ACTR3B: variants seen among roughly 807,000 people sequenced by gnomAD.
The protein encoded by ACTR3B is actin related protein 3B, also known as actin-related protein 3B.
ACTR3B carries 8 observed loss-of-function variants against 59.0 expected under a neutral mutation model. The ratio of observed to expected loss-of-function variants is 0.14; its 90% CI spans 0.08 to 0.24. The LOEUF is 0.24. Ranked by LOEUF, ACTR3B falls within the 10% of genes least tolerant of loss-of-function variation. The pLI, the probability that ACTR3B is intolerant of heterozygous loss-of-function variation, is 1.00. For missense variants in ACTR3B, 245 were observed against 552.3 expected (o/e 0.44, Z 5.58); for synonymous variants, 148 against 197.9 (o/e 0.75, Z 2.12).
intron 9 of ACTR3B, among the ~76,000 whole-genome samples, chr7:152,829,568 G>A (rs1480310886): frequency 3.9e-5 from 6 of 152,080 alleles, no homozygotes; most frequent in East Asian, 3.9e-4. Flanking sequence ...TGGGGCCTGC[G>A]GGGAAGCCTC....
chr7:152,822,120 A>G (rs575853607), intron 7 of ACTR3B, among the ~76,000 whole-genome samples: 2 of 152,368 alleles, frequency 1.3e-5, no homozygotes, highest in South Asian at 2.1e-4. Context: ...TGTGTCATCA[A>G]AGAACACAGG....
At chr7:152,843,744 A>G (rs1286952512) in intron 9 of ACTR3B, among the ~76,000 whole-genome samples, 1 of 152,240 alleles carries the variant, frequency 6.6e-6, no homozygotes, top group East Asian at 1.9e-4. Flanking sequence ...TAATAAATCA[A>G]GTAGCAAAAT....
chr7:152,791,345 T>A (rs1485098527), intron 2 of ACTR3B, among the ~76,000 whole-genome samples: 1 of 152,198 alleles, frequency 6.6e-6, no homozygotes, highest in Non-Finnish European at 1.5e-5. Context: ...TTAGTTTTGA[T>A]TCATCATTAT....
At chr7:152,828,927 G>A (rs925980568) in intron 9 of ACTR3B, among the ~76,000 whole-genome samples, 8 of 152,068 alleles carry the variant, frequency 5.3e-5, no homozygotes, top group Non-Finnish European at 7.3e-5. Flanking sequence ...TGAGGTGCTC[G>A]TCTGGGCCAG....
chr7:152,779,516 C>T (rs1442226212), intron 1 of ACTR3B, among the ~76,000 whole-genome samples: 1 of 152,186 alleles, frequency 6.6e-6, no homozygotes, highest in Non-Finnish European at 1.5e-5. Context: ...AGTACAGTGC[C>T]TGCTACATTG....
intron 9 of ACTR3B, among the ~76,000 whole-genome samples, chr7:152,825,438 A>G (rs1796493746): frequency 6.6e-6 from 1 of 152,042 alleles, no homozygotes; most frequent in Non-Finnish European, 1.5e-5. Flanking sequence ...CAGCCTCCTG[A>G]GTAGCTGGGA....
chr7:152,800,726 A>G (rs956437165), intron 3 of ACTR3B, 71 bp downstream of exon 3: 48 of 1,531,982 alleles, frequency 3.1e-5, no homozygotes, highest in Non-Finnish European at 3.4e-5. Flanking sequence ...ATGGTCATCT[A>G]GAAGTTGTAT....
intron 4 of ACTR3B, among the ~76,000 whole-genome samples, chr7:152,809,784 G>A (rs573345185): frequency 3.0e-4 from 46 of 152,024 alleles, no homozygotes; most frequent in African/African-American, 1.1e-3. Flanking sequence ...CTCATGATCC[G>A]CCCACCTCAG....
intron 9 of ACTR3B, among the ~76,000 whole-genome samples, chr7:152,844,579 C>G (rs1315494162): frequency 6.6e-6 from 1 of 151,824 alleles, no homozygotes; most frequent in Non-Finnish European, 1.5e-5. Flanking sequence ...TTTACCATTT[C>G]AAGAAACAAA....
chr7:152,802,064 T>A (rs545864929), intron 4 of ACTR3B, among the ~76,000 whole-genome samples: 1 of 152,248 alleles, frequency 6.6e-6, no homozygotes, highest in East Asian at 1.9e-4. Flanking sequence ...AGATCACCTC[T>A]TTGGACATTT....
chr7:152,832,000 G>A (rs1326936611), intron 9 of ACTR3B, among the ~76,000 whole-genome samples: 2 of 152,146 alleles, frequency 1.3e-5, no homozygotes, highest in African/African-American at 4.8e-5. Context: ...AAAGTGCTTG[G>A]GCTGCACCAG....
chr7:152,782,093 A>G (rs1283869633), intron 1 of ACTR3B, among the ~76,000 whole-genome samples: 1 of 152,134 alleles, frequency 6.6e-6, no homozygotes, highest in African/African-American at 2.4e-5. Flanking sequence ...TAGTAAAATT[A>G]GCATATGGTA....
intron 1 of ACTR3B, among the ~76,000 whole-genome samples, chr7:152,782,806 A>G (rs1214953017): frequency 6.6e-6 from 1 of 152,020 alleles, no homozygotes; most frequent in Non-Finnish European, 1.5e-5. Flanking sequence ...CAGTTTAATC[A>G]ACTTCTCAGT....
At chr7:152,840,595 A>T (rs1226141558) in intron 9 of ACTR3B, among the ~76,000 whole-genome samples, 1 of 145,114 alleles carries the variant, frequency 6.9e-6, no homozygotes, top group Non-Finnish European at 1.5e-5. Context: ...CCCTGTCAGG[A>T]AAACGGGGTT....
intron 4 of ACTR3B, among the ~76,000 whole-genome samples, chr7:152,806,841 T>C (rs1273293291): frequency 6.6e-6 from 1 of 152,224 alleles, no homozygotes; most frequent in Non-Finnish European, 1.5e-5. Context: ...CATAGATCAG[T>C]GGTCTGTCAG....
intron 9 of ACTR3B, among the ~76,000 whole-genome samples, chr7:152,844,408 T>G (rs1798109235): frequency 6.6e-6 from 1 of 152,194 alleles, no homozygotes; most frequent in Non-Finnish European, 1.5e-5. Context: ...TCTATTACAT[T>G]AATTTGTTGG....
chr7:152,774,289 A>G (rs1166246580), intron 1 of ACTR3B, among the ~76,000 whole-genome samples: 1 of 152,126 alleles, frequency 6.6e-6, no homozygotes, highest in Non-Finnish European at 1.5e-5. Flanking sequence ...GGCATGCGCC[A>G]CCGCACCCGA....
intron 1 of ACTR3B, among the ~76,000 whole-genome samples, chr7:152,770,253 T>C (rs1377245893): frequency 1.3e-5 from 2 of 152,114 alleles, no homozygotes; most frequent in East Asian, 1.9e-4. Context: ...TCCAGTGAAG[T>C]GTGGATCCAT....
intron 9 of ACTR3B, among the ~76,000 whole-genome samples, chr7:152,830,111 G>GA (rs1796909769): frequency 6.6e-6 from 1 of 152,220 alleles, no homozygotes; most frequent in Admixed American, 6.5e-5. Flanking sequence ...AATTAGAGGG[G>GA]ATCAAGAAAG....
Sources: allele counts gnomAD v4.1 joint callset (sites outside exome capture counted in the v4.1 genomes callset), GRCh38; gene constraint gnomAD v4.1.1; transcripts MANE v1.5; gene names NCBI Gene and HGNC (gene_info 2026-07-23, HGNC 2026-07-21).